The following FRAS1 variants were observed in gnomAD, a reference collection of about 807,000 sequenced individuals.
FRAS1 encodes the protein extracellular matrix organizing protein FRAS1.
FRAS1 carries 290 observed loss-of-function variants against 435.2 expected under a neutral mutation model. That is an observed-to-expected ratio of 0.67 (90% CI 0.61 to 0.73). The LOEUF (loss-of-function observed/expected upper bound fraction) is 0.73, where lower values mean the gene tolerates loss of function less well. Ranked by LOEUF, FRAS1 falls within the 30% of genes least tolerant of loss-of-function variation. The probability of loss-of-function intolerance (pLI) is 0.00; values close to 1 mark genes in which losing one functional copy is unlikely to be tolerated. For missense variants in FRAS1, 4,860 were observed against 5,001.5 expected (o/e 0.97, Z 0.85); for synonymous variants, 1,800 against 1,851.0 (o/e 0.97, Z 0.71).
chr4:78,430,526 C>G (rs1171240811), intron 37 of FRAS1, 109 bp downstream of exon 37: 2 of 1,086,254 alleles, frequency 1.8e-6, no homozygotes, highest in Admixed American at 2.9e-5. Flanking sequence ...GTGATACAGA[C>G]TATGAGGAGC....
intron 2 of FRAS1, among the ~76,000 whole-genome samples, chr4:78,185,646 T>G (rs912275967): frequency 6.6e-6 from 1 of 152,230 alleles, no homozygotes; most frequent in Admixed American, 6.5e-5. Flanking sequence ...GTCATACAGT[T>G]TTATTTTGAG....
intron 2 of FRAS1, among the ~76,000 whole-genome samples, chr4:78,202,563 C>T (rs57039144): frequency 0.018 from 2,804 of 152,206 alleles, 93 homozygotes; most frequent in African/African-American, 0.064. Flanking sequence ...AGGAGGTACA[C>T]GCTTCTAATC....
At chr4:78,429,374 T>G (rs1350133553) in intron 36 of FRAS1, 148 bp downstream of exon 36, 2 of 1,037,198 alleles carry the variant, frequency 1.9e-6, no homozygotes, top group African/African-American at 3.2e-5. Context: ...TCCTGCCCAT[T>G]TCTATGCAAA....
intron 29 of FRAS1, among the ~76,000 whole-genome samples, chr4:78,388,999 A>T (rs1476003052): frequency 6.6e-6 from 1 of 152,212 alleles, no homozygotes; most frequent in African/African-American, 2.4e-5. Context: ...GTAGAATTAT[A>T]CTTTTTTTCT....
intron 2 of FRAS1, among the ~76,000 whole-genome samples, chr4:78,111,735 T>A: frequency 9.1e-6 from 1 of 110,356 alleles, no homozygotes. Flanking sequence ...ACATGTACCC[T>A]AAAACTTAGA....
chr4:78,254,671 G>A (rs1427557206), intron 5 of FRAS1, among the ~76,000 whole-genome samples: 1 of 152,152 alleles, frequency 6.6e-6, no homozygotes, highest in Admixed American at 6.5e-5. Context: ...AAAGATTGGA[G>A]GATCAACTGG....
chr4:78,361,168 T>C (rs1731058928), intron 20 of FRAS1, among the ~76,000 whole-genome samples: 1 of 152,238 alleles, frequency 6.6e-6, no homozygotes, highest in Non-Finnish European at 1.5e-5. Flanking sequence ...CTCTTGCAAC[T>C]TTTGAAGCTT....
chr4:78,281,386 CTT>C lies in FRAS1; in HGVS notation c.1072-10_1072-9del. 6.4e-7 allele frequency: 1 copy of C among 1,558,310 alleles called. No homozygotes were observed. The highest frequency in any genetic ancestry group is 1.2e-5 in the South Asian group (1 of 81,104). ...TTAGTGGCATAATAAAGACATTTCT[CTT>C]TGTTCCTAGATGTCATCAAATGCTA... On this transcript the variant is annotated splice_polypyrimidine_tract_variant and intron_variant, in intron 10 of 73. Transcript: ENST00000512123.
chr4:78,452,199 C>T lies in FRAS1; in HGVS notation c.6608C>T (p.Thr2203Ile), dbSNP rs114373602. Residue 2203 changes from threonine to isoleucine, a missense_variant, in exon 47 of 74, where the codon ACC becomes ATC. Physicochemically the swap from Thr to Ile is moderately conservative, Grantham distance 89. Coordinates refer to ENST00000512123, the MANE Select transcript of FRAS1 (RefSeq NM_025074.7). ...ILEDKSPPVI[T>I]TNKGLVLDEN... Reference sequence around the variant, plus strand: ...GAAGACAAATCCCCACCAGTCATCACCACCAATAAAGGACTGGTCTTGGAT... The same window carrying T: ...GAAGACAAATCCCCACCAGTCATCATCACCAATAAAGGACTGGTCTTGGAT... 7,976 of 1,613,570 alleles carry T rather than the reference C, an allele frequency of 4.9e-3. 336 individuals are homozygous for T. In the African/African-American group the frequency reaches 0.091, roughly 18 times the overall value.
intron 2 of FRAS1, among the ~76,000 whole-genome samples, chr4:78,120,403 C>T (rs547055657): frequency 5.3e-5 from 8 of 152,180 alleles, no homozygotes; most frequent in South Asian, 2.1e-4. Flanking sequence ...ATTCTAAATA[C>T]GGCTTATTTC....
In FRAS1 at chr4:78,478,059, A is replaced by G; in HGVS notation, c.8096A>G (p.Lys2699Arg). Reference sequence around the variant, plus strand: ...TTTCTGTTTGCACCTATTGAAAGAAAAGGTCTGTTGGTTCCACAGGTGACA... The same window carrying G: ...TTTCTGTTTGCACCTATTGAAAGAAGAGGTCTGTTGGTTCCACAGGTGACA... ...AGFLFAPIER[K>R]GDASSIVSAI... Residue 2699 changes from lysine to arginine, a missense_variant and splice_region_variant, in exon 55 of 74, where the codon AAA (lysine) becomes AGA (arginine). Physicochemically the swap from Lys to Arg is conservative, Grantham distance 26 (BLOSUM62 2). Coordinates refer to ENST00000512123, the MANE Select transcript of FRAS1 (RefSeq NM_025074.7). The G allele has an allele frequency of 1.3e-6, 2 of 1,559,052 alleles. No homozygotes were observed. Among genetic ancestry groups the G allele is most frequent in the African/African-American group, 2.7e-5 (2 of 73,638 alleles).
At chr4:78,154,159 G>A (rs925611785) in intron 2 of FRAS1, among the ~76,000 whole-genome samples, 19 of 152,042 alleles carry the variant, frequency 1.2e-4, no homozygotes, top group African/African-American at 4.6e-4. Flanking sequence ...CAGATGAGAA[G>A]CTAATATATG....
In FRAS1 at chr4:78,472,185, C is replaced by G; in HGVS notation, c.7377C>G (p.Thr2459=). 6.2e-7 allele frequency: 1 copy of G among 1,613,850 alleles called. No individual in the cohort carries two copies. Among genetic ancestry groups the G allele is most frequent in the Non-Finnish European group, 8.5e-7 (1 of 1,179,790 alleles). The change falls in exon 52 of 74, where the codon ACC becomes ACG. Residue 2459 remains threonine, a synonymous_variant. Transcript: ENST00000512123. ...QWLEYMDGKA[T]NLITKKELLT... ...TAAATGGGTTTCTATTCTAGGCAACCAACCTGATCACCAAGAAGGAACTGC... is the reference window on the plus strand; with the variant it reads ...TAAATGGGTTTCTATTCTAGGCAACGAACCTGATCACCAAGAAGGAACTGC...
intron 2 of FRAS1, among the ~76,000 whole-genome samples, chr4:78,136,402 G>T (rs1215314340): frequency 6.6e-6 from 1 of 152,092 alleles, no homozygotes; most frequent in African/African-American, 2.4e-5. Context: ...ATATTAATTT[G>T]GGGCTTACAA....
chr4:78,372,891 C>T, intron 24 of FRAS1, 33 bp downstream of exon 24: 1 of 1,600,606 alleles, frequency 6.2e-7, no homozygotes, highest in African/African-American at 1.3e-5. Context: ...CTGTGCTCAG[C>T]CATACCTTGG....
At chr4:78,367,378 G>T (rs985954186) in intron 22 of FRAS1, among the ~76,000 whole-genome samples, 5 of 150,928 alleles carry the variant, frequency 3.3e-5, no homozygotes, top group Non-Finnish European at 7.4e-5. Context: ...CTCCAGCCTG[G>T]GTGACAGGGT....
intron 2 of FRAS1, among the ~76,000 whole-genome samples, chr4:78,137,723 T>C (rs966417033): frequency 6.6e-6 from 1 of 152,212 alleles, no homozygotes; most frequent in Non-Finnish European, 1.5e-5. Context: ...TGTGTGTGTG[T>C]GGCAATGTGA....
chr4:78,121,455 G>A lies in FRAS1; in HGVS notation c.108+55439G>A, dbSNP rs577360616. On this transcript the variant is annotated intron_variant, in intron 2 of 73. Transcript: ENST00000512123. ...GTGAGGGGTGTTGGCACAGTGCTGG[G>A]CTGCATTCCTTCCTTTGATGAGTCC... 1.8e-4 allele frequency among the ~76,000 whole-genome samples: 27 copies of A among 152,298 alleles called. 1 individual carries two copies. Among genetic ancestry groups the A allele is most frequent in the Middle Eastern group, 3.4e-3 (1 of 294 alleles).
In FRAS1 at chr4:78,125,490, A is replaced by G. The variant is rs939738351; in HGVS notation, c.108+59474A>G. ...GTTGATTTGGGGTGGAGAGTTCTGT[A>G]GATGTCTATTAGGTCAGCTTGGTCC... On this transcript the variant is annotated intron_variant, in intron 2 of 73. Coordinates refer to ENST00000512123, the MANE Select transcript of FRAS1 (RefSeq NM_025074.7). 3.3e-5 allele frequency among the ~76,000 whole-genome samples: 5 copies of G among 152,304 alleles called. No individual in the cohort carries two copies. In the South Asian group the frequency reaches 6.2e-4, roughly 19 times the overall value.
Sources: allele counts gnomAD v4.1 joint callset (sites outside exome capture counted in the v4.1 genomes callset), GRCh38; gene constraint gnomAD v4.1.1; transcripts MANE v1.5; gene names NCBI Gene and HGNC (gene_info 2026-07-23, HGNC 2026-07-21).